SOX5: variants seen among roughly 807,000 people sequenced by gnomAD.
The protein encoded by SOX5 is SRY-box transcription factor 5, also known as transcription factor SOX-5.
SOX5 carries 9 observed loss-of-function variants against 92.0 expected under a neutral mutation model. The observed-to-expected ratio is 0.10, with a 90% CI of 0.06 to 0.17. The LOEUF is 0.17. SOX5 is among the 10% of genes least tolerant of loss of function. The pLI is 1.00. For missense variants in SOX5, 642 were observed against 944.5 expected (o/e 0.68, Z 4.20); for synonymous variants, 344 against 336.3 (o/e 1.02, Z -0.25).
intron 4 of SOX5, among the ~76,000 whole-genome samples, chr12:24,114,602 A>AAG (rs1947773869): frequency 6.8e-6 from 1 of 147,962 alleles, no homozygotes; most frequent in Non-Finnish European, 1.5e-5. Flanking sequence ...AAAAAAAAAA[A>AAG]AAATTAACAG....
chr12:24,084,813 T>G (rs10505932), intron 4 of SOX5, among the ~76,000 whole-genome samples: 47,956 of 152,036 alleles, frequency 0.32, 7,974 homozygotes, highest in East Asian at 0.63. Context: ...AGCCCTAACC[T>G]ATCACTACAT....
At chr12:24,387,330 A>C (rs1205750499) in intron 1 of SOX5, among the ~76,000 whole-genome samples, 1 of 152,194 alleles carries the variant, frequency 6.6e-6, no homozygotes, top group Non-Finnish European at 1.5e-5. Flanking sequence ...ACAAATTTGC[A>C]AACTTTCTTA....
At chr12:23,808,133 T>A (rs7980039) in intron 3 of SOX5, among the ~76,000 whole-genome samples, 62 of 151,372 alleles carry the variant, frequency 4.1e-4, no homozygotes, top group South Asian at 1.7e-3. Flanking sequence ...ATATATATAT[T>A]TTTATATGAA....
chr12:23,750,200 G>A (rs2141147037), intron 4 of SOX5, among the ~76,000 whole-genome samples: 1 of 152,028 alleles, frequency 6.6e-6, no homozygotes, highest in East Asian at 1.9e-4. Flanking sequence ...CACAACTAGA[G>A]TATGTGGTGT....
upstream of SOX5, among the ~76,000 whole-genome samples, chr12:23,951,826 G>T (rs181512864): frequency 6.6e-6 from 1 of 152,042 alleles, no homozygotes; most frequent in Admixed American, 6.5e-5. Flanking sequence ...GTTGGGGAAG[G>T]GGGGAAGAAT....
chr12:24,377,692 G>A (rs1299775780), intron 1 of SOX5, among the ~76,000 whole-genome samples: 1 of 152,132 alleles, frequency 6.6e-6, no homozygotes. Flanking sequence ...AAGACAACAG[G>A]AATTCCTGTT....
intron 4 of SOX5, among the ~76,000 whole-genome samples, chr12:24,025,876 T>A (rs10505926): frequency 0.033 from 5,089 of 152,096 alleles, 306 homozygotes; most frequent in African/African-American, 0.12. Context: ...AATATTAAGA[T>A]TAGTTGGAAA....
chr12:24,086,195 AT>A (rs61331107), intron 4 of SOX5, among the ~76,000 whole-genome samples: 16 of 149,134 alleles, frequency 1.1e-4, no homozygotes, highest in East Asian at 2.0e-4. Flanking sequence ...AATGCAGTAC[AT>A]TTTTTTTTTC....
intron 1 of SOX5, among the ~76,000 whole-genome samples, chr12:23,921,010 C>A (rs1432755039): frequency 6.6e-6 from 1 of 152,086 alleles, no homozygotes; most frequent in African/African-American, 2.4e-5. Flanking sequence ...TTTGGGCTAA[C>A]ACAGTGTCTG....
chr12:24,402,646 G>T (rs1027118029), intron 1 of SOX5, among the ~76,000 whole-genome samples: 3 of 152,116 alleles, frequency 2.0e-5, no homozygotes, highest in Non-Finnish European at 4.4e-5. Context: ...ATGTATGTGG[G>T]CACTTTGATG....
At chr12:24,494,819 A>G (rs1237950474) in intron 1 of SOX5, among the ~76,000 whole-genome samples, 4 of 152,178 alleles carry the variant, frequency 2.6e-5, no homozygotes, top group Admixed American at 2.6e-4. Context: ...ATGTAATGAA[A>G]AAAAAAATAC....
chr12:24,425,325 T>C (rs1039281454), intron 1 of SOX5, among the ~76,000 whole-genome samples: 3 of 152,198 alleles, frequency 2.0e-5, no homozygotes, highest in Non-Finnish European at 4.4e-5. Flanking sequence ...ACAACTAAGT[T>C]TTCTCAGGAT....
chr12:23,996,905 T>C (rs149668323), intron 4 of SOX5, among the ~76,000 whole-genome samples: 15 of 152,308 alleles, frequency 9.8e-5, no homozygotes, highest in African/African-American at 3.4e-4. Context: ...ACAGAAGTGA[T>C]TGTACAACAC....
intron 2 of SOX5, among the ~76,000 whole-genome samples, chr12:23,872,164 A>ATTTTTTTTTTTTTTTTTTTTTTTTT (rs71059938): frequency 3.2e-5 from 2 of 61,650 alleles, no homozygotes; most frequent in African/African-American, 5.7e-5. Flanking sequence ...CGCCCGGCTA[A>ATTTTTTTTTTTTTTTTTTTTTTTTT]TTTTTTTTTT....
At chr12:24,477,715 T>C (rs541903708) in intron 1 of SOX5, among the ~76,000 whole-genome samples, 1 of 152,308 alleles carries the variant, frequency 6.6e-6, no homozygotes, top group South Asian at 2.1e-4. Context: ...AATATTGTTG[T>C]CTCTTTATCA....
chr12:24,388,916 A>T (rs1958689830), intron 1 of SOX5, among the ~76,000 whole-genome samples: 1 of 152,086 alleles, frequency 6.6e-6, no homozygotes, highest in Non-Finnish European at 1.5e-5. Context: ...AAAGTTTTCA[A>T]GGTTCATCTA....
intron 8 of SOX5, among the ~76,000 whole-genome samples, chr12:23,636,009 G>A (rs981503514): frequency 1.3e-5 from 2 of 152,068 alleles, no homozygotes; most frequent in Non-Finnish European, 2.9e-5. Context: ...GGAAGTCTAG[G>A]GACAAGGCAT....
At chr12:23,651,034 A>AT (rs886825791) in intron 7 of SOX5, among the ~76,000 whole-genome samples, 1 of 151,722 alleles carries the variant, frequency 6.6e-6, no homozygotes, top group Non-Finnish European at 1.5e-5. Context: ...ATATGTGAGA[A>AT]TTTTTTTTCA....
chr12:23,975,326 TATA>T (rs1277385727), intron 4 of SOX5, among the ~76,000 whole-genome samples: 8 of 152,086 alleles, frequency 5.3e-5, no homozygotes, highest in African/African-American at 1.9e-4. Context: ...GAATTTGATA[TATA>T]ATATGATATA....
Sources: gnomAD v4.1 joint callset for allele counts (sites outside exome capture counted in the v4.1 genomes callset) on GRCh38, gnomAD v4.1.1 for gene constraint, MANE v1.5 for transcripts, NCBI Gene and HGNC (gene_info 2026-07-23, HGNC 2026-07-21) for gene names.